Variants in NUP214 observed in about 807,000 individuals in gnomAD.
NUP214 encodes the protein nuclear pore complex protein Nup214.
NUP214 carries 79 observed loss-of-function variants against 196.2 expected under a neutral mutation model. The observed-to-expected ratio is 0.40, with a 90% CI of 0.34 to 0.49. The LOEUF (loss-of-function observed/expected upper bound fraction) is 0.49. Among genes scored for constraint, NUP214 ranks in the 20% least tolerant of loss-of-function variants. The probability of loss-of-function intolerance (pLI) is 0.58; values close to 1 mark genes in which losing one functional copy is unlikely to be tolerated. For missense variants in NUP214, 2,468 were observed against 2,539.0 expected, an observed-to-expected ratio of 0.97 and a Z score of 0.60; for synonymous variants, 1,020 against 990.5, an observed-to-expected ratio of 1.03 and a Z score of -0.56.
At position 131,175,769 on chromosome 9, in the gene NUP214, A is replaced by T. The variant is rs1833097285; in HGVS notation, c.3319+148A>T. 8 of 1,200,744 alleles carry T rather than the reference A, an allele frequency of 6.7e-6. No homozygotes were observed. The East Asian group carries it at 1.7e-4, about 25-fold the overall frequency. 74.4% of individuals were successfully genotyped at this position (1,200,744 alleles called of 1,614,324 possible). A position where few individuals can be genotyped will look rare whatever the true frequency, so the allele number is the denominator to read the frequency against. The stretch of plus-strand genomic sequence containing the variant: ...TGTGACAGCCCTCTCCCCTTTGTGG[A>T]GAGAGTTCTAAGAAAGCAGAGACTA... On this transcript the variant is annotated intron_variant, in intron 23 of 35. Coordinates refer to ENST00000359428, the MANE Select transcript of NUP214 (RefSeq NM_005085.4).
rs772818541 is a variant in NUP214 at position 131,199,048 on chromosome 9, CCT to C, written c.5521+38_5521+39del. 1.2e-5 allele frequency: 19 copies of C among 1,545,078 alleles called. No individual in the cohort carries two copies. In the African/African-American group the frequency reaches 2.6e-4, roughly 21 times the overall value. On this transcript the variant is annotated intron_variant, in intron 29 of 35. Coordinates refer to ENST00000359428, the MANE Select transcript of NUP214 (RefSeq NM_005085.4). ...TTTGTGGAAGCTTTTTACTTGTTTC[CCT>C]CTCTGCTATTTGAAACATTAGCAAC...
chr9:131,172,617 G>T (rs1488853094), intron 21 of NUP214, among the ~76,000 whole-genome samples: 2 of 152,174 alleles, frequency 1.3e-5, no homozygotes, highest in African/African-American at 4.8e-5. Context: ...GCCACATGTG[G>T]CTGTAGAGGA....
At chr9:131,167,739 C>T (rs139344844) in intron 21 of NUP214, among the ~76,000 whole-genome samples, 7 of 152,242 alleles carry the variant, frequency 4.6e-5, no homozygotes, top group African/African-American at 1.7e-4. Flanking sequence ...ATCTTTTGCT[C>T]ATTCATTTAT....
intron 21 of NUP214, 39 bp downstream of exon 21, chr9:131,164,183 G>A: frequency 6.3e-7 from 1 of 1,582,226 alleles, no homozygotes; most frequent in Non-Finnish European, 8.7e-7. Flanking sequence ...CATAGTGATA[G>A]GGTGTGGTGG....
chr9:131,197,751 A>G lies in NUP214; in HGVS notation c.4257A>G (p.Ala1419=). 6.2e-7 allele frequency: 1 copy of G among 1,614,208 alleles called. No individual in the cohort carries two copies. Among genetic ancestry groups the G allele is most frequent in the Non-Finnish European group, 8.5e-7 (1 of 1,180,042 alleles). Residue 1419 remains alanine (A), a synonymous_variant, in exon 29 of 36, where the codon GCA becomes GCG. Coordinates refer to ENST00000359428, the MANE Select transcript of NUP214 (RefSeq NM_005085.4). ...AVFGSLPVTS[A]GSSGVISFGG... is the part of the protein sequence containing the mutation. Reference sequence around the variant, plus strand: ...TTGGCAGTCTGCCAGTCACCAGTGCAGGATCCTCTGGGGTCATCAGTTTTG... The same window carrying G: ...TTGGCAGTCTGCCAGTCACCAGTGCGGGATCCTCTGGGGTCATCAGTTTTG...
Position 131,228,329 on chromosome 9 carries a change from C to T in NUP214, c.6072C>T (p.Phe2024=), listed in dbSNP as rs748048194. The T allele has an allele frequency of 5.7e-6, 9 of 1,584,830 alleles. No homozygotes were observed. Among genetic ancestry groups the T allele is most frequent in the Middle Eastern group, 1.7e-4 (1 of 5,974 alleles). The part of the protein sequence containing the change: ...EGTAAASAGG[F]GFGSSSNTTS... ...CTGCAGCTGCCAGCGCAGGAGGATT[C>T]GGGTAAGCCCCCTGGGGAGGGCCCT... Residue 2024 remains phenylalanine, a splice_region_variant and synonymous_variant, in exon 33 of 36, where the codon TTC becomes TTT. Coordinates refer to ENST00000359428, the MANE Select transcript of NUP214 (RefSeq NM_005085.4).
rs867504323 is a variant in NUP214, at chr9:131,196,038, C to G, written c.3721+744C>G. On this transcript the variant is annotated intron_variant, in intron 28 of 35. Coordinates refer to ENST00000359428, the MANE Select transcript of NUP214 (RefSeq NM_005085.4). ...AAACTCTGTGTGTCCCCCCCCCCCC[C>G]CGCGCCAAAAAATCCATCAATAGCA... Among the ~76,000 whole-genome samples the G allele has an allele frequency of 3.3e-3, 119 of 36,154 alleles. 20 individuals carry two copies. Among genetic ancestry groups the G allele is most frequent in the African/African-American group, 9.0e-3 (119 of 13,190 alleles). 23.7% of individuals were successfully genotyped at this position (36,154 alleles called of 152,430 possible).
At chr9:131,178,010 G>C (rs1833163232) in intron 23 of NUP214, among the ~76,000 whole-genome samples, 1 of 152,206 alleles carries the variant, frequency 6.6e-6, no homozygotes, top group Non-Finnish European at 1.5e-5. Flanking sequence ...TTCCAGGACA[G>C]ACCAGCAGTG....
chr9:131,186,726 G>A (rs1055063426), intron 24 of NUP214, among the ~76,000 whole-genome samples: 2 of 152,202 alleles, frequency 1.3e-5, no homozygotes, highest in Non-Finnish European at 2.9e-5. Context: ...CTCTTTCTGC[G>A]AATAGGGGTA....
At chr9:131,171,547 CT>C (rs11334591) in intron 21 of NUP214, among the ~76,000 whole-genome samples, 83,530 of 127,290 alleles carry the variant, frequency 0.66, 25,872 homozygotes, top group Middle Eastern at 0.72. Flanking sequence ...GGAAGATTTT[CT>C]TTTTTTTTTT....
intron 31 of NUP214, among the ~76,000 whole-genome samples, chr9:131,218,998 T>G (rs1264788929): frequency 6.6e-6 from 1 of 152,112 alleles, no homozygotes; most frequent in Non-Finnish European, 1.5e-5. Flanking sequence ...CACTGCACCT[T>G]TGCCTGAGGG....
chr9:131,127,983 C>T (rs1831414964), intron 2 of NUP214, among the ~76,000 whole-genome samples: 1 of 152,182 alleles, frequency 6.6e-6, no homozygotes, highest in Non-Finnish European at 1.5e-5. Context: ...TGAACTTGGG[C>T]TCTGGCTCTC....
chr9:131,176,158 A>G (rs1564195983), intron 23 of NUP214, among the ~76,000 whole-genome samples: 1 of 152,110 alleles, frequency 6.6e-6, no homozygotes, highest in Non-Finnish European at 1.5e-5. Flanking sequence ...TCTCTAAAAC[A>G]AAACAAACAC....
In NUP214 at chr9:131,125,907, G is replaced by A; in HGVS notation, c.45+158G>A. Reference sequence around the variant, plus strand: ...AGCGCGTCTGCCGCGCCGCTGGCGTGATAGCCCCACCGAATGCAGTTTCCC... The same window carrying A: ...AGCGCGTCTGCCGCGCCGCTGGCGTAATAGCCCCACCGAATGCAGTTTCCC... On this transcript the variant is annotated intron_variant, in intron 1 of 35. Transcript: ENST00000359428. The surrounding 1 kb of genome is among the most constrained non-coding windows in gnomAD (Gnocchi z 4.1). The A allele has an allele frequency of 3.5e-6, 3 of 863,734 alleles. No individual in the cohort carries two copies. The highest frequency in any genetic ancestry group is 5.4e-6 in the Non-Finnish European group (3 of 550,982). 53.5% of individuals were successfully genotyped at this position (863,734 alleles called of 1,614,324 possible). A position where few individuals can be genotyped will look rare whatever the true frequency, so the allele number is the denominator to read the frequency against.
chr9:131,202,948 A>G (rs1833978812), intron 30 of NUP214, among the ~76,000 whole-genome samples: 1 of 149,282 alleles, frequency 6.7e-6, no homozygotes, highest in Non-Finnish European at 1.5e-5. Flanking sequence ...TTATTTATTT[A>G]CTTATTTTTT....
intron 31 of NUP214, among the ~76,000 whole-genome samples, chr9:131,216,652 G>C (rs143816109): frequency 1.3e-5 from 2 of 150,456 alleles, no homozygotes; most frequent in African/African-American, 4.9e-5. Context: ...TCAGCTTCCC[G>C]AGTAGCTGGG....
At position 131,198,424 on chromosome 9, in the gene NUP214, G is replaced by A. The variant is rs370335340; in HGVS notation, c.4930G>A (p.Val1644Ile). Reference protein sequence around the residue: ...AFGTVTSGSSVFAQPPAASSS... With the variant: ...AFGTVTSGSSIFAQPPAASSS... Reference sequence around the variant, plus strand: ...TGGTACCGTCACTTCTGGCTCATCCGTCTTTGCTCAGCCTCCTGCTGCCAG... The same window carrying A: ...TGGTACCGTCACTTCTGGCTCATCCATCTTTGCTCAGCCTCCTGCTGCCAG... Residue 1644 changes from valine (V) to isoleucine (I), a missense_variant, in exon 29 of 36, where the codon GTC becomes ATC. Coordinates refer to ENST00000359428, the MANE Select transcript of NUP214 (RefSeq NM_005085.4). 9.9e-6 allele frequency: 16 copies of A among 1,614,122 alleles called. No homozygotes were observed. The highest frequency in any genetic ancestry group is 3.3e-5 in the Admixed American group (2 of 60,014).
intron 30 of NUP214, among the ~76,000 whole-genome samples, chr9:131,206,067 C>G (rs1029998945): frequency 2.0e-5 from 3 of 149,564 alleles, no homozygotes; most frequent in African/African-American, 7.4e-5. Flanking sequence ...TAGCTTACAA[C>G]TAGAAGCAGC....
intron 18 of NUP214, among the ~76,000 whole-genome samples, chr9:131,160,496 C>T (rs747647411): frequency 2.0e-5 from 3 of 152,132 alleles, no homozygotes; most frequent in Admixed American, 6.5e-5. Context: ...ATATTTTCCA[C>T]AAGGAGTAGA....
Sources: gnomAD v4.1 joint callset for allele counts (sites outside exome capture counted in the v4.1 genomes callset) on GRCh38, gnomAD v4.1.1 for gene constraint, Gnocchi (gnomAD v3.1) non-coding constraint, MANE v1.5 for transcripts, NCBI Gene and HGNC (gene_info 2026-07-23, HGNC 2026-07-21) for gene names.